The following CLIP1 variants were observed in gnomAD, a reference collection of about 807,000 sequenced individuals.
CLIP1 encodes the protein CAP-Gly domain-containing linker protein 1.
CLIP1 carries 66 observed loss-of-function variants against 161.6 expected under a neutral mutation model. The observed-to-expected ratio is 0.41, with a 90% CI of 0.33 to 0.50. The LOEUF (loss-of-function observed/expected upper bound fraction) is 0.50. CLIP1 is among the 20% of genes least tolerant of loss of function. CLIP1 has a pLI of 0.27. For synonymous variants in CLIP1, 598 were observed against 626.2 expected (o/e 0.96, Z 0.67); for missense variants, 1,376 against 1,702.0 (o/e 0.81, Z 3.37).
In CLIP1 at chr12:122,377,383, A is replaced by G; in HGVS notation, c.657+6T>C. ...TGAAATGACCTCAGAATGTTTCTCT[A>G]CTCACCAATACTCTGTCTCCGATTT... On this transcript the variant is annotated splice_donor_region_variant and intron_variant, in intron 3 of 25. Transcript: ENST00000620786. 1.2e-6 allele frequency: 2 copies of G among 1,606,468 alleles called. No individual in the cohort carries two copies. The highest frequency in any genetic ancestry group is 1.7e-6 in the Non-Finnish European group (2 of 1,175,550).
At chr12:122,313,737 A>C (rs3782153) in intron 19 of CLIP1, among the ~76,000 whole-genome samples, 39,076 of 151,922 alleles carry the variant, frequency 0.26, 5,838 homozygotes, top group East Asian at 0.66. Context: ...ACAACAACAA[A>C]AAAAAACTAT....
intron 1 of CLIP1, among the ~76,000 whole-genome samples, chr12:122,401,256 G>C (rs1380061467): frequency 5.3e-5 from 8 of 152,164 alleles, no homozygotes; most frequent in Admixed American, 5.2e-4. Context: ...GGGTATGGTG[G>C]TTCACACCTG....
chr12:122,290,743 T>G (rs921789150), intron 20 of CLIP1, among the ~76,000 whole-genome samples: 3 of 152,164 alleles, frequency 2.0e-5, no homozygotes, highest in African/African-American at 7.2e-5. Context: ...GAAGAGATGT[T>G]TGATATTTAT....
intron 20 of CLIP1, among the ~76,000 whole-genome samples, chr12:122,290,946 G>A (rs964154117): frequency 1.3e-5 from 2 of 150,396 alleles, no homozygotes; most frequent in Admixed American, 1.3e-4. Flanking sequence ...AGGCTGGAGT[G>A]CAATGGCCCT....
intron 3 of CLIP1, among the ~76,000 whole-genome samples, chr12:122,368,092 C>A (rs1954256465): frequency 6.6e-6 from 1 of 152,164 alleles, no homozygotes; most frequent in Non-Finnish European, 1.5e-5. Context: ...TGGTAAAAGT[C>A]ACTACTGAAG....
chr12:122,390,296 A>G (rs1298683646), intron 1 of CLIP1, among the ~76,000 whole-genome samples: 73 of 130,950 alleles, frequency 5.6e-4, no homozygotes, highest in African/African-American at 1.8e-3. Flanking sequence ...ATATATATAT[A>G]TATATATGTA....
chr12:122,355,301 G>C lies in CLIP1; in HGVS notation c.1017C>G (p.Thr339=), dbSNP rs547632811. 4 of 1,613,674 alleles carry C rather than the reference G, an allele frequency of 2.5e-6. No individual in the cohort carries two copies. In the East Asian group the frequency reaches 6.7e-5, roughly 27 times the overall value. Reference sequence around the variant, plus strand: ...AGATCTTCCTGGCGTAACGGGAGGAGGTTTCAGTCAACTGTAAAGGAAAGT... The same window carrying C: ...AGATCTTCCTGGCGTAACGGGAGGACGTTTCAGTCAACTGTAAAGGAAAGT... The part of the protein sequence containing the change: ...RPSRTGLLTE[T]SSRYARKISG... The change falls in exon 6 of 26, where the codon ACC becomes ACG. Residue 339 remains threonine (T), a synonymous_variant. Transcript: ENST00000620786. The surrounding 1 kb of genome is among the most constrained non-coding windows in gnomAD (Gnocchi z 4.1).
chr12:122,339,640 T>C (rs536679669), intron 11 of CLIP1, among the ~76,000 whole-genome samples: 2 of 152,118 alleles, frequency 1.3e-5, no homozygotes, highest in Non-Finnish European at 2.9e-5. Context: ...TAATTTATAA[T>C]AGTCAAGAAG....
intron 17 of CLIP1, 43 bp from the exon 18 acceptor site, chr12:122,319,391 C>A: frequency 2.8e-6 from 4 of 1,443,866 alleles, no homozygotes; most frequent in Non-Finnish European, 3.9e-6. Context: ...ACAGCCCTCG[C>A]CAACACCGTT....
chr12:122,288,728 G>T (rs1050101604), intron 20 of CLIP1, among the ~76,000 whole-genome samples, 187 bp from the exon 21 acceptor site: 61 of 150,942 alleles, frequency 4.0e-4, no homozygotes, highest in African/African-American at 1.4e-3. Flanking sequence ...AATCACTTAC[G>T]ACCTCAGTAA....
chr12:122,354,801 A>G (rs1000508092), intron 6 of CLIP1: 7 of 576,576 alleles, frequency 1.2e-5, no homozygotes, highest in Admixed American at 1.2e-4. Flanking sequence ...ACATATTAAG[A>G]GTAATCCACA....
chr12:122,272,986 G>T lies in CLIP1; in HGVS notation c.4206C>A (p.Asp1402Glu), dbSNP rs759878975. 3 of 1,614,184 alleles carry T rather than the reference G, an allele frequency of 1.9e-6. No individual in the cohort carries two copies. The highest frequency in any genetic ancestry group is 2.5e-6 in the Non-Finnish European group (3 of 1,180,016). The stretch of plus-strand genomic sequence containing the variant: ...TGCCATGGTGTGTGGAATGGGGAGG[G>T]TCCTCTGACATCTGTGCCTGGGTAG... ...DCPTQAQMSE[D>E]PPHSTHHGSR... is the part of the protein sequence containing the mutation. Residue 1402 changes from aspartate to glutamate, a missense_variant, in exon 26 of 26, where the codon GAC (aspartate) becomes GAA (glutamate). By Grantham distance (45) the Asp-to-Glu change is conservative. This residue lies in a region of CLIP1 where 948 missense variants were observed against 1,134.8 expected (regional missense o/e 0.84). Transcript: ENST00000620786.
At chr12:122,276,046 T>C (rs1033249089) in intron 24 of CLIP1, among the ~76,000 whole-genome samples, 7 of 152,162 alleles carry the variant, frequency 4.6e-5, no homozygotes, top group African/African-American at 1.7e-4. Context: ...ATTTCTTCCT[T>C]CTACAAATAA....
chr12:122,365,676 T>C, intron 3 of CLIP1: 1 of 570,584 alleles, frequency 1.8e-6, no homozygotes, highest in Non-Finnish European at 2.9e-6. Flanking sequence ...TCTGGGCTAT[T>C]TAAAAAAAAA....
At chr12:122,375,111 GC>G (rs1954653847) in intron 3 of CLIP1, among the ~76,000 whole-genome samples, 2 of 152,008 alleles carry the variant, frequency 1.3e-5, no homozygotes, top group Non-Finnish European at 1.5e-5. Context: ...GGTCCCAAAG[GC>G]AAAGCAGGGA....
chr12:122,338,783 A>C (rs1232470606), intron 11 of CLIP1, among the ~76,000 whole-genome samples: 1 of 152,218 alleles, frequency 6.6e-6, no homozygotes, highest in Non-Finnish European at 1.5e-5. Context: ...GCTTTCATGA[A>C]ATCTTGATGT....
intron 15 of CLIP1, among the ~76,000 whole-genome samples, chr12:122,330,636 G>A (rs530537230): frequency 5.6e-5 from 6 of 107,788 alleles, no homozygotes; most frequent in Admixed American, 4.9e-4. Flanking sequence ...GTCTCGCACT[G>A]TTGCCTGGGC....
intron 13 of CLIP1, among the ~76,000 whole-genome samples, chr12:122,334,348 T>C (rs1198079206): frequency 1.3e-5 from 2 of 152,162 alleles, no homozygotes; most frequent in Non-Finnish European, 1.5e-5. Flanking sequence ...TCCACTCATC[T>C]CTCTTTCCTC....
chr12:122,319,378 A>C, intron 17 of CLIP1, 30 bp from the exon 18 acceptor site: 2 of 1,537,010 alleles, frequency 1.3e-6, no homozygotes, highest in South Asian at 2.2e-5. Context: ...GTGAGAAATG[A>C]GGACAGCCCT....
Sources: allele counts gnomAD v4.1 joint callset (sites outside exome capture counted in the v4.1 genomes callset), GRCh38; gene constraint gnomAD v4.1.1; regional missense constraint gnomAD v4.1.1; non-coding constraint Gnocchi (gnomAD v3.1); transcripts MANE v1.5; gene names NCBI Gene and HGNC (gene_info 2026-07-23, HGNC 2026-07-21).